The following TERF2 variants were observed in gnomAD, a reference collection of about 807,000 sequenced individuals.
The protein encoded by TERF2 is telomeric repeat-binding factor 2.
Under a neutral mutation model 56.1 loss-of-function variants are expected in TERF2, and 16 were observed. That is an observed-to-expected ratio of 0.29 (90% CI 0.19 to 0.43). The LOEUF is 0.43. Ranked by LOEUF, TERF2 falls within the 20% of genes least tolerant of loss-of-function variation. TERF2 has a pLI of 1.00. For missense variants in TERF2, 547 were observed against 712.9 expected, an observed-to-expected ratio of 0.77 and a Z score of 2.65; for synonymous variants, 296 against 282.1, an observed-to-expected ratio of 1.05 and a Z score of -0.50.
At chr16:69,380,326 G>A (rs180738881) in intron 3 of TERF2, among the ~76,000 whole-genome samples, 1 of 152,144 alleles carries the variant, frequency 6.6e-6, no homozygotes, top group Non-Finnish European at 1.5e-5. Context: ...GATTCTACAC[G>A]AAACTGCAGT....
chr16:69,380,799 T>A (rs1440745268), intron 3 of TERF2, among the ~76,000 whole-genome samples: 2 of 151,556 alleles, frequency 1.3e-5, no homozygotes, highest in Non-Finnish European at 2.9e-5. Flanking sequence ...GACACATTCA[T>A]TAATTTTTTT....
intron 2 of TERF2, 120 bp from the exon 3 acceptor site, chr16:69,384,830 T>C: frequency 2.1e-6 from 2 of 975,282 alleles, no homozygotes; most frequent in African/African-American, 1.7e-5. Flanking sequence ...GATTTGCATT[T>C]AATTTTTTGA....
intron 5 of TERF2, 33 bp from the exon 6 acceptor site, chr16:69,368,515 G>A: frequency 6.2e-7 from 1 of 1,612,468 alleles, no homozygotes; most frequent in Non-Finnish European, 8.5e-7. Context: ...AGGAAGAAGA[G>A]GCCACAGAAT....
At chr16:69,383,801 C>T (rs1346302174) in intron 3 of TERF2, among the ~76,000 whole-genome samples, 1 of 152,210 alleles carries the variant, frequency 6.6e-6, no homozygotes, top group Non-Finnish European at 1.5e-5. Context: ...GTGCTCTTTT[C>T]TTAACCATTT....
chr16:69,373,670 C>G (rs1037242098), intron 3 of TERF2, among the ~76,000 whole-genome samples: 9 of 152,018 alleles, frequency 5.9e-5, no homozygotes, highest in African/African-American at 1.9e-4. Flanking sequence ...TGTCTCTCCC[C>G]CAAAAAAACC....
chr16:69,384,741 C>T, intron 2 of TERF2, 31 bp from the exon 3 acceptor site: 3 of 1,559,058 alleles, frequency 1.9e-6, no homozygotes, highest in Non-Finnish European at 1.7e-6. Flanking sequence ...CATTTTTAAG[C>T]TCTTTTCTAA....
At chr16:69,377,929 T>C (rs1166364416) in intron 3 of TERF2, among the ~76,000 whole-genome samples, 2 of 152,170 alleles carry the variant, frequency 1.3e-5, no homozygotes, top group Non-Finnish European at 2.9e-5. Context: ...CTCCATTCTG[T>C]ATGCTTTTTC....
chr16:69,359,234 T>C (rs1269125973), intron 8 of TERF2, among the ~76,000 whole-genome samples: 4 of 152,138 alleles, frequency 2.6e-5, no homozygotes, highest in Non-Finnish European at 5.9e-5. Context: ...TGCTTTGAAA[T>C]CACATGGTTT....
chr16:69,384,746 T>C, intron 2 of TERF2, 36 bp from the exon 3 acceptor site: 2 of 1,545,430 alleles, frequency 1.3e-6, no homozygotes, highest in Non-Finnish European at 1.7e-6. Context: ...TTAAGCTCTT[T>C]TCTAAGGGTA....
intron 1 of TERF2, 45 bp downstream of exon 1, chr16:69,385,548 C>A: frequency 6.4e-7 from 1 of 1,563,096 alleles, no homozygotes; most frequent in East Asian, 2.3e-5. Context: ...CCCCCGGACC[C>A]CCTTCCCCGG....
intron 7 of TERF2, 48 bp from the exon 8 acceptor site, chr16:69,361,537 G>C (rs199628067): frequency 7.7e-7 from 1 of 1,294,742 alleles, no homozygotes; most frequent in Non-Finnish European, 1.1e-6. Flanking sequence ...ATTCACCCTG[G>C]ATTGTCCCAG....
At chr16:69,358,176 C>T (rs2012990904) in intron 8 of TERF2, among the ~76,000 whole-genome samples, 1 of 152,214 alleles carries the variant, frequency 6.6e-6, no homozygotes, top group East Asian at 1.9e-4. Context: ...CTACGCCCGG[C>T]TAATTTTTTT....
chr16:69,356,962 A>G lies in TERF2; in HGVS notation c.1565T>C (p.Val522Ala). The G allele has an allele frequency of 6.2e-7, 1 of 1,614,174 alleles. No homozygotes were observed. Among genetic ancestry groups the G allele is most frequent in the Non-Finnish European group, 8.5e-7 (1 of 1,180,030 alleles). Residue 522 changes from valine (V) to alanine (A), a missense_variant, in exon 10 of 10, where the codon GTT becomes GCT. By Grantham distance (64) the Val-to-Ala change is moderately conservative. This residue lies in a region of TERF2 where 33 missense variants were observed against 69.9 expected (regional missense o/e 0.47). Transcript: ENST00000254942. The part of the protein sequence containing the change: ...WAAISKNYPF[V>A]NRTAVMIKDR... The stretch of plus-strand genomic sequence containing the variant: ...CTTAATCATCACAGCTGTTCGGTTA[A>G]CAAATGGGTAATTTTTAGAAATGGC...
intron 9 of TERF2, 106 bp from the exon 10 acceptor site, chr16:69,357,162 T>C: frequency 2.3e-6 from 3 of 1,301,030 alleles, no homozygotes; most frequent in Non-Finnish European, 3.2e-6. Flanking sequence ...GAGAATCATC[T>C]GAACCTGAAA....
At chr16:69,385,208 G>A (rs539678168) in intron 2 of TERF2, among the ~76,000 whole-genome samples, 183 bp downstream of exon 2, 4 of 151,974 alleles carry the variant, frequency 2.6e-5, no homozygotes, top group Non-Finnish European at 5.9e-5. Context: ...AAGCAGCCAA[G>A]ACAACCTTAA....
rs770369941 is a variant in TERF2, at chr16:69,367,012, C to T, written c.1135G>A (p.Glu379Lys). 3.7e-6 allele frequency: 6 copies of T among 1,614,204 alleles called. No individual in the cohort carries two copies. Among genetic ancestry groups the T allele is most frequent in the South Asian group, 2.2e-5 (2 of 91,084 alleles). Residue 379 changes from glutamate (E) to lysine (K), a missense_variant, in exon 7 of 10, where the codon GAA becomes AAA. Around this residue, in one of 6 missense-constraint regions of TERF2, gnomAD observed 211 missense variants for 236.8 expected, o/e 0.89. Coordinates refer to ENST00000254942, the MANE Select transcript of TERF2 (RefSeq NM_005652.5). Reference protein sequence around the residue: ...KNKRPRKDENESSAPADGEGG... With the variant: ...KNKRPRKDENKSSAPADGEGG... Reference sequence around the variant, plus strand: ...TCACCGTCAGCCGGGGCTGAACTTTCGTTTTCATCTTTTCTGGGTCTCTTG... The same window carrying T: ...TCACCGTCAGCCGGGGCTGAACTTTTGTTTTCATCTTTTCTGGGTCTCTTG...
At position 69,381,889 on chromosome 16, in the gene TERF2, A is replaced by T. The variant is rs1327469047; in HGVS notation, c.606+2691T>A. ...TGCTTTACCAAAGACATTCTTTTTT[A>T]AATTTTTTTTTAATGGGAGTTCTGA... On this transcript the variant is annotated intron_variant, in intron 3 of 9. Coordinates refer to ENST00000254942, the MANE Select transcript of TERF2 (RefSeq NM_005652.5). Among the ~76,000 whole-genome samples, 6 of 152,242 alleles carry T rather than the reference A, an allele frequency of 3.9e-5. No individual in the cohort carries two copies. In the East Asian group the frequency reaches 1.2e-3, roughly 29 times the overall value.
chr16:69,382,604 G>A (rs1213490316), intron 3 of TERF2, among the ~76,000 whole-genome samples: 2 of 152,146 alleles, frequency 1.3e-5, no homozygotes, highest in African/African-American at 2.4e-5. Flanking sequence ...CTTCTGCCTT[G>A]GGTTCTTGCT....
intron 7 of TERF2, among the ~76,000 whole-genome samples, chr16:69,362,797 G>C (rs2013194158): frequency 6.6e-6 from 1 of 152,168 alleles, no homozygotes; most frequent in Non-Finnish European, 1.5e-5. Context: ...AACATGGAAA[G>C]TGTCTGAATT....
Sources: gnomAD v4.1 joint callset for allele counts (sites outside exome capture counted in the v4.1 genomes callset) on GRCh38, gnomAD v4.1.1 for gene constraint, gnomAD v4.1.1 regional missense constraint, MANE v1.5 for transcripts, NCBI Gene and HGNC (gene_info 2026-07-23, HGNC 2026-07-21) for gene names.